Variants in IPCEF1 observed in about 807,000 individuals in gnomAD.
IPCEF1 encodes interaction protein for cytohesin exchange factors 1.
In IPCEF1, 31 loss-of-function variants were observed where a neutral mutation model predicts 50.9. The observed-to-expected ratio is 0.61, with a 90% CI of 0.46 to 0.82. The LOEUF (loss-of-function observed/expected upper bound fraction) is 0.82. IPCEF1 is among the 40% of genes least tolerant of loss of function. IPCEF1 has a pLI of 0.00. For synonymous variants in IPCEF1, 181 were observed against 192.0 expected (o/e 0.94, Z 0.47); for missense variants, 458 against 514.0 (o/e 0.89, Z 1.05).
intron 5 of IPCEF1, among the ~76,000 whole-genome samples, chr6:154,239,527 T>C (rs549524264): frequency 6.6e-6 from 1 of 152,322 alleles, no homozygotes; most frequent in South Asian, 2.1e-4. Flanking sequence ...CTTTGATCCA[T>C]GAGTCATTGT....
chr6:154,214,324 C>A (rs181721099), intron 7 of IPCEF1, 48 bp from the exon 8 acceptor site: 12 of 1,191,596 alleles, frequency 1.0e-5, no homozygotes, highest in Admixed American at 5.0e-5. Context: ...ATTAGCCCCC[C>A]ACCCATTCAC....
chr6:154,182,027 A>G (rs971289284), intron 10 of IPCEF1, among the ~76,000 whole-genome samples: 7 of 152,206 alleles, frequency 4.6e-5, no homozygotes, highest in South Asian at 2.1e-4. Flanking sequence ...ACATCTGCGC[A>G]TGTATCCCAG....
chr6:154,187,521 A>G (rs139575278), intron 10 of IPCEF1, among the ~76,000 whole-genome samples: 1 of 152,360 alleles, frequency 6.6e-6, no homozygotes, highest in East Asian at 1.9e-4. Flanking sequence ...TAGTATTTAC[A>G]TGCTCCTGTT....
intron 3 of IPCEF1, among the ~76,000 whole-genome samples, chr6:154,260,736 G>T (rs1402235829): frequency 1.3e-5 from 2 of 152,092 alleles, no homozygotes; most frequent in Non-Finnish European, 2.9e-5. Flanking sequence ...CTCCCAAAGT[G>T]CTGGGATTAC....
chr6:154,168,103 T>C lies in IPCEF1; in HGVS notation c.921A>G (p.Lys307=), dbSNP rs1583689432. Residue 307 remains lysine (K), a synonymous_variant, in exon 11 of 12, where the codon AAA becomes AAG. Coordinates refer to ENST00000367220, the MANE Select transcript of IPCEF1 (RefSeq NM_001130700.2). This position sits in a 1 kb window ranked among gnomAD's most constrained non-coding sequence, Gnocchi z 4.1. ...GSKIMDKEET[K]VSEDDEMEKL... ...TCTCCATTTCATCATCTTCAGACAC[T>C]TTTGTCTCTTCTATTTGAAAAAAAA... 6.5e-7 allele frequency: 1 copy of C among 1,541,694 alleles called. No homozygotes were observed. The highest frequency in any genetic ancestry group is 2.3e-5 in the East Asian group (1 of 43,868).
chr6:154,235,683 C>T (rs1054537604), intron 5 of IPCEF1, among the ~76,000 whole-genome samples: 3 of 152,104 alleles, frequency 2.0e-5, no homozygotes, highest in Non-Finnish European at 2.9e-5. Context: ...TGAGTTTCGT[C>T]TGTACTATTA....
intron 1 of IPCEF1, among the ~76,000 whole-genome samples, chr6:154,317,708 G>A (rs1249008465): frequency 6.6e-6 from 1 of 151,904 alleles, no homozygotes. Context: ...CCACTATAAT[G>A]GGAAAAGTCA....
At chr6:154,196,794 T>C (rs1225042835) in intron 10 of IPCEF1, among the ~76,000 whole-genome samples, 1 of 152,232 alleles carries the variant, frequency 6.6e-6, no homozygotes, top group Non-Finnish European at 1.5e-5. Context: ...CTCTGGAACC[T>C]GGAACTCTCA....
chr6:154,167,642 G>T (rs1799546124), intron 11 of IPCEF1, among the ~76,000 whole-genome samples: 1 of 152,150 alleles, frequency 6.6e-6, no homozygotes, highest in Non-Finnish European at 1.5e-5. Flanking sequence ...AATTATGCAT[G>T]GTCCTTGCTG....
intron 1 of IPCEF1, among the ~76,000 whole-genome samples, chr6:154,312,008 AC>A (rs141167660): frequency 0.08 from 12,199 of 152,246 alleles, 1,017 homozygotes; most frequent in African/African-American, 0.21. Flanking sequence ...AGATGTCTAT[AC>A]CCCCACATTC....
At chr6:154,187,860 G>A (rs1351220786) in intron 10 of IPCEF1, among the ~76,000 whole-genome samples, 1 of 152,146 alleles carries the variant, frequency 6.6e-6, no homozygotes, top group African/African-American at 2.4e-5. Context: ...CAGAGGTGAT[G>A]AAAAAGTACC....
At position 154,228,103 on chromosome 6, in the gene IPCEF1, C is replaced by CTATT. The variant is rs1269131469; in HGVS notation, c.247-4864_247-4861dup. 4.6e-5 allele frequency among the ~76,000 whole-genome samples: 7 copies of CTATT among 152,190 alleles called. No individual in the cohort carries two copies. The South Asian group carries it at 8.3e-4, about 18-fold the overall frequency. On this transcript the variant is annotated intron_variant, in intron 5 of 11. Transcript: ENST00000367220. Reference sequence around the variant, plus strand: ...TCCGCTTCTCCAGATCCCCTGTTGCCTATTATATTAACTAAAATAACTTTG... The same window carrying CTATT: ...TCCGCTTCTCCAGATCCCCTGTTGCCTATTTATTATATTAACTAAAATAACTTTG...
intron 9 of IPCEF1, 34 bp downstream of exon 9, chr6:154,212,736 C>T (rs772273479): frequency 3.8e-5 from 53 of 1,394,104 alleles, no homozygotes; most frequent in South Asian, 3.7e-4. Flanking sequence ...CATGTCTGAT[C>T]GATGACCAAC....
At chr6:154,298,750 G>A (rs978529657) in intron 1 of IPCEF1, among the ~76,000 whole-genome samples, 26 of 152,150 alleles carry the variant, frequency 1.7e-4, no homozygotes, top group Admixed American at 1.7e-3. Flanking sequence ...GATCACCTGA[G>A]GTCAGGAGAT....
At chr6:154,320,651 A>G (rs910240486) in intron 1 of IPCEF1, among the ~76,000 whole-genome samples, 1 of 152,174 alleles carries the variant, frequency 6.6e-6, no homozygotes, top group Non-Finnish European at 1.5e-5. Context: ...ACTTCCTAGG[A>G]TAGGAAGGAT....
chr6:154,348,564 G>A (rs750977524), intron 1 of IPCEF1, among the ~76,000 whole-genome samples: 1 of 152,294 alleles, frequency 6.6e-6, no homozygotes, highest in South Asian at 2.1e-4. Flanking sequence ...TTGAATATTC[G>A]TAAGTGGGTC....
chr6:154,269,223 T>C (rs1583927028), intron 2 of IPCEF1, among the ~76,000 whole-genome samples: 2 of 152,330 alleles, frequency 1.3e-5, no homozygotes, highest in East Asian at 3.9e-4. Context: ...CAAATTTTTG[T>C]TTTGTAAAAT....
At chr6:154,206,910 G>A (rs1481197599) in intron 9 of IPCEF1, among the ~76,000 whole-genome samples, 2 of 152,238 alleles carry the variant, frequency 1.3e-5, no homozygotes, top group African/African-American at 4.8e-5. Context: ...ATGGCAGCCT[G>A]AAGACAGGCC....
At chr6:154,210,419 G>A (rs1777871615) in intron 9 of IPCEF1, among the ~76,000 whole-genome samples, 1 of 152,140 alleles carries the variant, frequency 6.6e-6, no homozygotes, top group Non-Finnish European at 1.5e-5. Flanking sequence ...AGACACAGAA[G>A]CAGACATAGA....
Sources: gnomAD v4.1 joint callset for allele counts (sites outside exome capture counted in the v4.1 genomes callset) on GRCh38, gnomAD v4.1.1 for gene constraint, Gnocchi (gnomAD v3.1) non-coding constraint, MANE v1.5 for transcripts, NCBI Gene and HGNC (gene_info 2026-07-23, HGNC 2026-07-21) for gene names.